ANK2: variants seen among roughly 807,000 people sequenced by gnomAD.
The protein encoded by ANK2 is ankyrin-2.
ANK2 carries 83 observed loss-of-function variants against 360.5 expected under a neutral mutation model. The observed-to-expected ratio is 0.23, with a 90% CI of 0.19 to 0.28. The LOEUF is 0.28. Among genes scored for constraint, ANK2 ranks in the 10% least tolerant of loss-of-function variants. The probability of loss-of-function intolerance (pLI) is 1.00; values close to 1 mark genes in which losing one functional copy is unlikely to be tolerated. For missense variants in ANK2, 4,201 were observed against 4,795.7 expected, an observed-to-expected ratio of 0.88 and a Z score of 3.66; for synonymous variants, 1,740 against 1,759.5, an observed-to-expected ratio of 0.99 and a Z score of 0.28.
At chr4:112,803,692 T>C in the ANK2 span, among the ~76,000 whole-genome samples, 1 of 152,202 alleles carries the variant, frequency 6.6e-6, no homozygotes, top group Non-Finnish European at 1.5e-5. Flanking sequence ...CTAAAAAATA[T>C]ACTATTGTTT....
At chr4:112,705,759 G>C in the ANK2 span, among the ~76,000 whole-genome samples, 1 of 152,252 alleles carries the variant, frequency 6.6e-6, no homozygotes, top group Non-Finnish European at 1.5e-5. Context: ...TAGCGGCAGC[G>C]GCTAGGGAAG....
chr4:112,829,979 TA>T (rs1414129262), intron 1 of ANK2, among the ~76,000 whole-genome samples: 17 of 146,412 alleles, frequency 1.2e-4, no homozygotes, highest in Middle Eastern at 3.5e-3. Context: ...AAATAAAAAA[TA>T]AAAAAAAAGT....
At chr4:113,173,391 T>A (rs758114643) in intron 1 of ANK2, among the ~76,000 whole-genome samples, 30 of 152,324 alleles carry the variant, frequency 2.0e-4, no homozygotes, top group Non-Finnish European at 3.2e-4. Context: ...GTGAGGAGAA[T>A]GTTTGATTAA....
intron 1 of ANK2, among the ~76,000 whole-genome samples, chr4:112,882,995 A>G (rs2077152078): frequency 7.9e-6 from 1 of 127,376 alleles, no homozygotes; most frequent in South Asian, 2.6e-4. Flanking sequence ...GCTACTGGAC[A>G]CTTTCTGGTT....
intron 31 of ANK2, 46 bp downstream of exon 31, chr4:113,336,827 A>C: frequency 6.4e-7 from 1 of 1,565,884 alleles, no homozygotes; most frequent in Non-Finnish European, 8.8e-7. Context: ...GAAAAAAGAA[A>C]CTTAGATCGT....
chr4:112,784,472 C>G, the ANK2 span, among the ~76,000 whole-genome samples: 10 of 151,424 alleles, frequency 6.6e-5, no homozygotes, highest in Non-Finnish European at 1.3e-4. Flanking sequence ...ATTCTCCTGC[C>G]TCAGCCTCCT....
At chr4:113,317,626 C>G in intron 24 of ANK2, 81 bp from the exon 25 acceptor site, 1 of 1,088,070 alleles carries the variant, frequency 9.2e-7, no homozygotes, top group Non-Finnish European at 1.4e-6. Flanking sequence ...TTTTTTCACT[C>G]TCCTGCTCGG....
At chr4:113,337,444 A>G (rs1021480510) in intron 31 of ANK2, among the ~76,000 whole-genome samples, 5 of 152,218 alleles carry the variant, frequency 3.3e-5, no homozygotes, top group Non-Finnish European at 7.3e-5. Context: ...ACAAATAGTG[A>G]GAGGCAAAAA....
intron 1 of ANK2, among the ~76,000 whole-genome samples, chr4:112,848,780 C>G (rs2063942272): frequency 6.6e-6 from 1 of 152,064 alleles, no homozygotes; most frequent in East Asian, 1.9e-4. Flanking sequence ...GAATAAATGC[C>G]TATTAAATTG....
At chr4:113,272,359 G>T (rs1009988963) in intron 14 of ANK2, among the ~76,000 whole-genome samples, 1 of 152,140 alleles carries the variant, frequency 6.6e-6, no homozygotes, top group Non-Finnish European at 1.5e-5. Context: ...GGCTTCCCTC[G>T]TTTCTTTACC....
chr4:113,088,115 G>T (rs895922669), intron 1 of ANK2, among the ~76,000 whole-genome samples: 7 of 152,142 alleles, frequency 4.6e-5, no homozygotes, highest in African/African-American at 1.7e-4. Flanking sequence ...TCACTGGATA[G>T]ATTTAAGGCT....
chr4:112,755,851 A>T, the ANK2 span: 168 of 153,584 alleles, frequency 1.1e-3, 3 homozygotes, highest in East Asian at 7.8e-3. Flanking sequence ...GGAGTGGAGA[A>T]GGAACAAAGA....
chr4:112,826,003 G>A (rs1271735476), intron 1 of ANK2, among the ~76,000 whole-genome samples: 1 of 152,112 alleles, frequency 6.6e-6, no homozygotes, highest in African/African-American at 2.4e-5. Context: ...TTACTTCAGG[G>A]GAGAAGGTCA....
intron 1 of ANK2, among the ~76,000 whole-genome samples, chr4:113,072,345 A>G (rs1469871382): frequency 6.6e-6 from 1 of 152,214 alleles, no homozygotes; most frequent in African/African-American, 2.4e-5. Flanking sequence ...GCATGTAGGG[A>G]TGATTCAGAG....
upstream of ANK2, among the ~76,000 whole-genome samples, chr4:112,815,511 T>C (rs2055566186): frequency 6.6e-6 from 1 of 152,178 alleles, no homozygotes; most frequent in Admixed American, 6.5e-5. Flanking sequence ...CATAAGGCCC[T>C]TTCAACCAAA....
intron 1 of ANK2, among the ~76,000 whole-genome samples, chr4:113,120,085 G>A (rs1320465585): frequency 6.6e-6 from 1 of 152,012 alleles, no homozygotes; most frequent in Non-Finnish European, 1.5e-5. Flanking sequence ...ACTATAATAT[G>A]TTCAGATTTC....
At chr4:112,950,407 G>A (rs571491452) in intron 2 of ANK2, among the ~76,000 whole-genome samples, 3 of 152,242 alleles carry the variant, frequency 2.0e-5, no homozygotes, top group African/African-American at 7.2e-5. Flanking sequence ...CACTTTGGGA[G>A]GCTGAGGTGG....
At chr4:112,991,623 T>C (rs1188598684) in intron 2 of ANK2, among the ~76,000 whole-genome samples, 4 of 147,602 alleles carry the variant, frequency 2.7e-5, no homozygotes, top group African/African-American at 4.9e-5. Context: ...TTCTTTCTTT[T>C]TTTTTTTTTT....
chr4:113,367,940 A>G, intron 42 of ANK2, 89 bp downstream of exon 42: 1 of 1,507,140 alleles, frequency 6.6e-7, no homozygotes, highest in Non-Finnish European at 9.2e-7. Context: ...ACTAGTTTTT[A>G]AATACTTTTT....
Sources: gnomAD v4.1 joint callset for allele counts (sites outside exome capture counted in the v4.1 genomes callset) on GRCh38, gnomAD v4.1.1 for gene constraint, MANE v1.5 for transcripts, NCBI Gene and HGNC (gene_info 2026-07-23, HGNC 2026-07-21) for gene names.